TSPEAR: variants seen among roughly 807,000 people sequenced by gnomAD.
TSPEAR encodes the protein thrombospondin-type laminin G domain and EAR repeat-containing protein.
Under a neutral mutation model 71.6 loss-of-function variants are expected in TSPEAR, and 69 were observed. That is an observed-to-expected ratio of 0.96 (90% confidence interval 0.79 to 1.18). The LOEUF (loss-of-function observed/expected upper bound fraction) is 1.18. Among genes scored for constraint, TSPEAR ranks in the 50% most tolerant of loss-of-function variants. The pLI, the probability that TSPEAR is intolerant of heterozygous loss-of-function variation, is 0.00. For missense variants in TSPEAR, 971 were observed against 894.9 expected, an observed-to-expected ratio of 1.09 and a Z score of -1.09; for synonymous variants, 402 against 387.2, an observed-to-expected ratio of 1.04 and a Z score of -0.45.
At chr21:44,560,502 A>G (rs144333755) in intron 2 of TSPEAR, among the ~76,000 whole-genome samples, 4,143 of 152,190 alleles carry the variant, frequency 0.027, 70 homozygotes, top group Non-Finnish European at 0.043. Flanking sequence ...CATCTGCAGA[A>G]CTCTCCACCC....
At chr21:44,553,210 A>G (rs1354289117) in intron 2 of TSPEAR, among the ~76,000 whole-genome samples, 1 of 152,256 alleles carries the variant, frequency 6.6e-6, no homozygotes, top group African/African-American at 2.4e-5. Flanking sequence ...TACTATGGAC[A>G]GACGCGGAAG....
At chr21:44,550,837 G>C in intron 2 of TSPEAR, 1 of 1,518,262 alleles carries the variant, frequency 6.6e-7, no homozygotes, top group Non-Finnish European at 8.9e-7. Context: ...TGGCAGCACG[G>C]AGAGGAAGCC....
intron 1 of TSPEAR, among the ~76,000 whole-genome samples, chr21:44,629,866 G>A (rs1462257719): frequency 6.6e-6 from 1 of 152,202 alleles, no homozygotes; most frequent in East Asian, 1.9e-4. Flanking sequence ...CAGGAGGCAC[G>A]GCTCGCTTCC....
intron 9 of TSPEAR, chr21:44,517,877 T>G (rs782800471): frequency 2.1e-6 from 1 of 471,200 alleles, no homozygotes; most frequent in Non-Finnish European, 4.4e-6. Context: ...CTCAGCGCCC[T>G]TTCAGTCTGA....
rs587662161 is a variant in TSPEAR at position 44,636,007 on chromosome 21, A to C, written c.83-68002T>G. On this transcript the variant is annotated intron_variant, in intron 1 of 11. Transcript: ENST00000323084. ...CTCATTCATGCTTATTGGAAATTTA[A>C]AATTTTTAGTCTTCTATTCATTTCT... Among the ~76,000 whole-genome samples, 348 of 152,288 alleles carry C rather than the reference A, an allele frequency of 2.3e-3. 2 individuals carry two copies. Among genetic ancestry groups the C allele is most frequent in the Non-Finnish European group, 4.2e-3 (288 of 68,014 alleles).
chr21:44,520,451 C>G lies in TSPEAR; in HGVS notation c.1566+1432G>C, dbSNP rs1235092462. The G allele has an allele frequency of 6.6e-6, 1 of 152,242 alleles. No homozygotes were observed. The allele number at this position is 152,242 out of a possible 1,614,324, so 9.4% of individuals were successfully genotyped here. A position where few individuals can be genotyped will look rare whatever the true frequency, so the allele number is the denominator to read the frequency against. On this transcript the variant is annotated intron_variant, in intron 9 of 11. Transcript: ENST00000323084. This position sits in a 1 kb window ranked among gnomAD's most constrained non-coding sequence, Gnocchi z 4.2. Reference sequence around the variant, plus strand: ...CCTTCCCCACTGGACCATGAGTGCCCGAAGGGTGGGGCGGTGGTCACCTGG... The same window carrying G: ...CCTTCCCCACTGGACCATGAGTGCCGGAAGGGTGGGGCGGTGGTCACCTGG...
intron 1 of TSPEAR, among the ~76,000 whole-genome samples, chr21:44,587,441 G>A (rs426973): frequency 0.95 from 143,968 of 152,314 alleles, 68,187 homozygotes; most frequent in Non-Finnish European, 0.97. Context: ...TAGAATCAAT[G>A]TTGTGAAAAT....
At chr21:44,526,703 G>A (rs1385822259) in intron 7 of TSPEAR, among the ~76,000 whole-genome samples, 3 of 152,254 alleles carry the variant, frequency 2.0e-5, no homozygotes, top group Admixed American at 2.0e-4. Flanking sequence ...CTGTCTCTAG[G>A]ACATGGCTGT....
At chr21:44,643,185 C>T (rs1984115983) in intron 1 of TSPEAR, among the ~76,000 whole-genome samples, 1 of 152,160 alleles carries the variant, frequency 6.6e-6, no homozygotes, top group South Asian at 2.1e-4. Flanking sequence ...GCAGACCTCA[C>T]TTATTTGTGG....
rs587673177 is a variant in TSPEAR, at chr21:44,512,450, A to G, written c.1567-3064T>C. Among the ~76,000 whole-genome samples the G allele has an allele frequency of 3.3e-5, 5 of 152,134 alleles. No individual in the cohort carries two copies. In the East Asian group the frequency reaches 7.8e-4, roughly 24 times the overall value. ...TCGGTACATCCCTAGGGATGGAGAC[A>G]GGGGCTTTGGGAGACCACTCAGAGA... On this transcript the variant is annotated intron_variant, in intron 9 of 11. Coordinates refer to ENST00000323084, the MANE Select transcript of TSPEAR (RefSeq NM_144991.3).
intron 1 of TSPEAR, among the ~76,000 whole-genome samples, chr21:44,620,940 A>G (rs587716496): frequency 3.3e-5 from 5 of 152,292 alleles, no homozygotes; most frequent in Admixed American, 2.6e-4. Flanking sequence ...AAAGTGTGCT[A>G]TTAGGTTACA....
chr21:44,522,810 C>T (rs1555914454), intron 8 of TSPEAR, among the ~76,000 whole-genome samples: 1 of 152,266 alleles, frequency 6.6e-6, no homozygotes, highest in East Asian at 1.9e-4. Flanking sequence ...ATGTCCTCGG[C>T]AGCTGTCCTC....
intron 10 of TSPEAR, chr21:44,508,551 C>T (rs2052262795): frequency 2.7e-6 from 3 of 1,119,746 alleles, no homozygotes; most frequent in Admixed American, 8.0e-5. Context: ...AATTCCACCC[C>T]AGAGGACGCC....
intron 1 of TSPEAR, among the ~76,000 whole-genome samples, chr21:44,628,487 G>A (rs1236676081): frequency 6.6e-6 from 1 of 152,102 alleles, no homozygotes; most frequent in Non-Finnish European, 1.5e-5. Context: ...CCCAGCTGGG[G>A]GGCCTCGGGG....
Position 44,695,487 on chromosome 21 carries a change from G to A in TSPEAR, c.82+15946C>T, listed in dbSNP as rs1987295478. Among the ~76,000 whole-genome samples, 1 of 152,096 alleles carries A rather than the reference G, an allele frequency of 6.6e-6. No individual in the cohort carries two copies. The highest frequency in any genetic ancestry group is 2.1e-4 in the South Asian group (1 of 4,822). ...CTCTCCCTGGCCATGCCCCAACCTG[G>A]CTCACACTCCCTCAGGGTTGCAATG... On this transcript the variant is annotated intron_variant, in intron 1 of 11. Transcript: ENST00000323084. This position sits in a 1 kb window ranked among gnomAD's most constrained non-coding sequence, Gnocchi z 4.5.
chr21:44,641,378 G>A (rs1332471508), intron 1 of TSPEAR, among the ~76,000 whole-genome samples: 2 of 152,176 alleles, frequency 1.3e-5, no homozygotes, highest in African/African-American at 4.8e-5. Context: ...GAAACTCAAT[G>A]ATGGTCTGCA....
At position 44,527,450 on chromosome 21, in the gene TSPEAR, CAA is replaced by C; in HGVS notation, c.989_990del (p.Ile330ArgfsTer60). On this transcript the variant is annotated frameshift_variant, in exon 7 of 12. Coordinates refer to ENST00000323084, the MANE Select transcript of TSPEAR (RefSeq NM_144991.3). LOFTEE classifies it high-confidence loss of function. ...NLSTNSETLGIEVFRIPQVGL... is the reference protein window; with the variant it reads ...NLSTNSETLGXEVFRIPQVGL... ...CCCACCTGAGGGATGCGGAACACCT[CAA>C]TGCCCAGGGTCTCTGAGTTGGTGGA... 1 of 1,614,246 alleles carries C rather than the reference CAA, an allele frequency of 6.2e-7. No individual in the cohort carries two copies. Among genetic ancestry groups the C allele is most frequent in the East Asian group, 2.2e-5 (1 of 44,886 alleles).
chr21:44,655,220 T>G (rs1465153272), intron 1 of TSPEAR, among the ~76,000 whole-genome samples: 3 of 131,802 alleles, frequency 2.3e-5, no homozygotes, highest in African/African-American at 9.3e-5. Flanking sequence ...CATAGAGGGT[T>G]TGCACAATGG....
rs138307690 is a variant in TSPEAR at position 44,562,915 on chromosome 21, CA to C, written c.303+4869del. ...AACTCCAGACAGAAATTCAAATCCA[CA>C]CAGAAAAACAAAACAGCAGTAAAAC... On this transcript the variant is annotated intron_variant, in intron 2 of 11. Transcript: ENST00000323084. Among the ~76,000 whole-genome samples, 71 of 152,248 alleles carry C rather than the reference CA, an allele frequency of 4.7e-4. 1 individual carries two copies. The East Asian group carries it at 0.011, about 23-fold the overall frequency.
Sources: gnomAD v4.1 joint callset for allele counts (sites outside exome capture counted in the v4.1 genomes callset) on GRCh38, gnomAD v4.1.1 for gene constraint, Gnocchi (gnomAD v3.1) non-coding constraint, MANE v1.5 for transcripts, NCBI Gene and HGNC (gene_info 2026-07-23, HGNC 2026-07-21) for gene names.